LPP: variants seen among roughly 807,000 people sequenced by gnomAD.
The protein encoded by LPP is lipoma-preferred partner.
LPP carries 38 observed loss-of-function variants against 60.4 expected under a neutral mutation model. The ratio of observed to expected loss-of-function variants is 0.63; its 90% CI spans 0.49 to 0.83. The LOEUF (loss-of-function observed/expected upper bound fraction) is 0.83. Ranked by LOEUF, LPP falls within the 40% of genes least tolerant of loss-of-function variation. LPP has a pLI of 0.00. For missense variants in LPP, 902 were observed against 783.6 expected, an observed-to-expected ratio of 1.15 and a Z score of -1.80; for synonymous variants, 328 against 290.8, an observed-to-expected ratio of 1.13 and a Z score of -1.30.
intron 1 of LPP, among the ~76,000 whole-genome samples, chr3:188,186,574 A>G (rs1268150315): frequency 6.9e-6 from 1 of 145,122 alleles, no homozygotes; most frequent in African/African-American, 2.5e-5. Flanking sequence ...CTAGCTTGAA[A>G]TAATTTTTTT....
In LPP at chr3:188,608,111, A is replaced by T. The variant is rs1280953972; in HGVS notation, c.430-1050A>T. On this transcript the variant is annotated intron_variant, in intron 6 of 11. Coordinates refer to ENST00000617246, the MANE Select transcript of LPP (RefSeq NM_001375462.1). ...AGACCAAATAGATTTCTACATTTTC[A>T]ATCAGAATTAGCTGTGGCCAGGAGA... 2.6e-5 allele frequency among the ~76,000 whole-genome samples: 4 copies of T among 152,138 alleles called. No homozygotes were observed. The East Asian group carries it at 7.7e-4, about 29-fold the overall frequency.
chr3:188,389,257 T>C (rs1032292010), intron 3 of LPP, among the ~76,000 whole-genome samples: 3 of 152,038 alleles, frequency 2.0e-5, no homozygotes, highest in Non-Finnish European at 4.4e-5. Flanking sequence ...CCCAATACCC[T>C]GGAGAGCTTT....
At chr3:188,700,081 T>C (rs1864083884) in intron 7 of LPP, among the ~76,000 whole-genome samples, 1 of 152,142 alleles carries the variant, frequency 6.6e-6, no homozygotes, top group African/African-American at 2.4e-5. Context: ...GAAGTTATTT[T>C]CCCTCTGAGG....
In LPP at chr3:188,520,806, A is replaced by G. The variant is rs1818662051; in HGVS notation, c.307-3859A>G. Among the ~76,000 whole-genome samples the G allele has an allele frequency of 2.6e-5, 4 of 152,182 alleles. No homozygotes were observed. The South Asian group carries it at 8.3e-4, about 31-fold the overall frequency. ...TACTTTATAAAAGTTTGTGGTGGTA[A>G]CTAGAAAAAGCATTAGTCAGGAGAA... On this transcript the variant is annotated intron_variant, in intron 5 of 11. Transcript: ENST00000617246.
At chr3:188,458,553 T>C (rs938654319) in intron 4 of LPP, among the ~76,000 whole-genome samples, 1 of 152,218 alleles carries the variant, frequency 6.6e-6, no homozygotes, top group Non-Finnish European at 1.5e-5. Flanking sequence ...CCGCCAGGAA[T>C]ATATTATCCA....
chr3:188,566,121 A>G (rs1832080194), intron 6 of LPP, among the ~76,000 whole-genome samples: 1 of 152,024 alleles, frequency 6.6e-6, no homozygotes, highest in South Asian at 2.1e-4. Flanking sequence ...CCAATTAACC[A>G]GTGTCTTTGA....
chr3:188,607,116 GACACACACACACACACACACAC>G (rs34057522), intron 6 of LPP, among the ~76,000 whole-genome samples: 12 of 129,562 alleles, frequency 9.3e-5, no homozygotes, highest in East Asian at 6.7e-4. Flanking sequence ...TCTTGGTGAA[GACACACACACACACACACACAC>G]ACACACACAC....
intron 9 of LPP, among the ~76,000 whole-genome samples, chr3:188,860,092 A>G (rs1385037316): frequency 6.6e-6 from 1 of 151,942 alleles, no homozygotes; most frequent in Non-Finnish European, 1.5e-5. Context: ...TAAAAAGTTC[A>G]TGTCTCACAG....
intron 9 of LPP, among the ~76,000 whole-genome samples, chr3:188,765,836 G>C (rs937429395): frequency 5.0e-5 from 7 of 140,248 alleles, no homozygotes; most frequent in Non-Finnish European, 1.1e-4. Flanking sequence ...ACCACCACGT[G>C]CAACGTGCAA....
chr3:188,598,298 C>T (rs66944153), intron 6 of LPP, among the ~76,000 whole-genome samples: 43,459 of 151,770 alleles, frequency 0.29, 6,599 homozygotes, highest in Non-Finnish European at 0.33. Flanking sequence ...TATTTGAGTT[C>T]TTAAAATTTG....
At chr3:188,165,880 A>G (rs1719791543) in intron 1 of LPP, among the ~76,000 whole-genome samples, 1 of 152,204 alleles carries the variant, frequency 6.6e-6, no homozygotes, top group Non-Finnish European at 1.5e-5. Context: ...TCCCAGCGTA[A>G]CACTGAGGTG....
intron 3 of LPP, among the ~76,000 whole-genome samples, chr3:188,389,624 A>C (rs576754141): frequency 2.3e-4 from 35 of 152,110 alleles, no homozygotes; most frequent in African/African-American, 8.2e-4. Flanking sequence ...AAAAATACTA[A>C]AGTTAGCCAG....
intron 8 of LPP, among the ~76,000 whole-genome samples, chr3:188,753,698 C>T (rs149801412): frequency 1.3e-5 from 2 of 151,900 alleles, no homozygotes; most frequent in African/African-American, 2.4e-5. Flanking sequence ...GTGACTGTCT[C>T]CGAAACTGTT....
intron 7 of LPP, among the ~76,000 whole-genome samples, chr3:188,686,297 C>A (rs1413027827): frequency 1.3e-5 from 2 of 152,264 alleles, no homozygotes; most frequent in South Asian, 2.1e-4. Flanking sequence ...TAGCCACAGG[C>A]CTTTACCAAA....
At chr3:188,303,922 G>A (rs1432655738) in intron 2 of LPP, among the ~76,000 whole-genome samples, 1 of 152,094 alleles carries the variant, frequency 6.6e-6, no homozygotes, top group Non-Finnish European at 1.5e-5. Context: ...TTAGTAAAAG[G>A]ACTAGTATCA....
chr3:188,621,924 TGCTGGGATTACAG>T (rs541234704), intron 7 of LPP, among the ~76,000 whole-genome samples: 10 of 152,162 alleles, frequency 6.6e-5, no homozygotes, highest in African/African-American at 1.2e-4. Context: ...CCACCCGAAG[TGCTGGGATTACAG>T]GCTGGGATTA....
At chr3:188,690,396 T>C (rs1861845849) in intron 7 of LPP, among the ~76,000 whole-genome samples, 1 of 152,232 alleles carries the variant, frequency 6.6e-6, no homozygotes, top group Non-Finnish European at 1.5e-5. Context: ...AAAGTATTTG[T>C]TGAAGCAAAA....
chr3:188,337,453 CTT>C (rs1672540768), intron 2 of LPP, among the ~76,000 whole-genome samples: 1 of 152,120 alleles, frequency 6.6e-6, no homozygotes, highest in Non-Finnish European at 1.5e-5. Context: ...TGCTGGGATC[CTT>C]TTGTGTACCA....
At position 188,524,687 on chromosome 3, in the gene LPP, T is replaced by C; in HGVS notation, c.329T>C (p.Leu110Pro). The change falls in exon 6 of 12, where the codon CTT becomes CCT. Residue 110 changes from leucine (L) to proline (P), a missense_variant. Coordinates refer to ENST00000617246, the MANE Select transcript of LPP (RefSeq NM_001375462.1). ...KVQGNPGGKT[L>P]EERRSSLDAE... ...CAGGGGAATCCCGGAGGCAAGACAC[T>C]TGAGGAGAGGCGCTCCAGCCTGGAC... The C allele has an allele frequency of 6.2e-7, 1 of 1,613,964 alleles. No individual in the cohort carries two copies. Among genetic ancestry groups the C allele is most frequent in the Non-Finnish European group, 8.5e-7 (1 of 1,179,932 alleles).
Sources: allele counts gnomAD v4.1 joint callset (sites outside exome capture counted in the v4.1 genomes callset), GRCh38; gene constraint gnomAD v4.1.1; transcripts MANE v1.5; gene names NCBI Gene and HGNC (gene_info 2026-07-23, HGNC 2026-07-21).